CHRNA7: variants seen among roughly 807,000 people sequenced by gnomAD.
CHRNA7 encodes the protein cholinergic receptor nicotinic alpha 7 subunit, also known as neuronal acetylcholine receptor subunit alpha-7.
CHRNA7 carries 17 observed loss-of-function variants against 48.0 expected under a neutral mutation model. The ratio of observed to expected loss-of-function variants is 0.35; its 90% CI spans 0.24 to 0.53. The LOEUF is 0.53. Among genes scored for constraint, CHRNA7 ranks in the 20% least tolerant of loss-of-function variants. The pLI, the probability that CHRNA7 is intolerant of heterozygous loss-of-function variation, is 0.92. For synonymous variants in CHRNA7, 75 were observed against 242.3 expected (o/e 0.31, Z 6.41); for missense variants, 155 against 577.7 (o/e 0.27, Z 7.50).
chr15:32,056,863 G>T (rs1418361087), intron 2 of CHRNA7, among the ~76,000 whole-genome samples: 1 of 152,118 alleles, frequency 6.6e-6, no homozygotes, highest in Non-Finnish European at 1.5e-5. Context: ...GAGGGATTTT[G>T]TTAACAAAGA....
chr15:32,118,050 G>C (rs771532990), intron 4 of CHRNA7, among the ~76,000 whole-genome samples: 1 of 152,198 alleles, frequency 6.6e-6, no homozygotes, highest in East Asian at 1.9e-4. Flanking sequence ...GGTCATGAGG[G>C]CTCTGCCCTC....
At position 32,137,490 on chromosome 15, in the gene CHRNA7, G is replaced by T. The variant is rs371783683; in HGVS notation, c.351-16417G>T. 1.1e-3 allele frequency among the ~76,000 whole-genome samples: 164 copies of T among 152,208 alleles called. 3 individuals are homozygous for T. In the South Asian group the frequency reaches 0.032, roughly 30 times the overall value. ...TGAAGAAAAATTGGTAGAATTTAAA[G>T]TTTACTGGATAAGTCCACAATTACA... On this transcript the variant is annotated intron_variant, in intron 4 of 9. Coordinates refer to ENST00000306901, the MANE Select transcript of CHRNA7 (RefSeq NM_000746.6).
chr15:32,092,767 T>G lies in CHRNA7; in HGVS notation c.196-8536T>G, dbSNP rs146548979. ...TTCTAAATCCTGCTCCTAACTTCCATTCATTCATCTTATCCCCTTCCCTTT... is the reference window on the plus strand; with the variant it reads ...TTCTAAATCCTGCTCCTAACTTCCAGTCATTCATCTTATCCCCTTCCCTTT... On this transcript the variant is annotated intron_variant, in intron 2 of 9. Transcript: ENST00000306901. 6.6e-5 allele frequency among the ~76,000 whole-genome samples: 10 copies of G among 152,316 alleles called. No individual in the cohort carries two copies. The East Asian group carries it at 1.9e-3, about 29-fold the overall frequency.
intron 4 of CHRNA7, among the ~76,000 whole-genome samples, chr15:32,143,382 A>G (rs1291218309): frequency 1.3e-5 from 2 of 152,210 alleles, no homozygotes; most frequent in African/African-American, 4.8e-5. Flanking sequence ...TGGTGCTGAG[A>G]AGAATGCATA....
At chr15:32,117,792 A>C (rs1393986079) in intron 4 of CHRNA7, among the ~76,000 whole-genome samples, 1 of 152,118 alleles carries the variant, frequency 6.6e-6, no homozygotes, top group East Asian at 1.9e-4. Flanking sequence ...TGTCATGGTT[A>C]ATAGCTCCTG....
chr15:32,136,517 T>C (rs571608166), intron 4 of CHRNA7, among the ~76,000 whole-genome samples: 114 of 144,884 alleles, frequency 7.9e-4, no homozygotes, highest in African/African-American at 2.7e-3. Flanking sequence ...AAAAAAAAGA[T>C]GGAATTAAAA....
At position 32,070,669 on chromosome 15, in the gene CHRNA7, C is replaced by CTT. The variant is rs71113441; in HGVS notation, c.196-30600_196-30599dup. ...TGTGTGAACATGTGAGGTTTAGTTC[C>CTT]TTTTTTTTTTTTTTTTTTTTTTTTT... On this transcript the variant is annotated intron_variant, in intron 2 of 9. Coordinates refer to ENST00000306901, the MANE Select transcript of CHRNA7 (RefSeq NM_000746.6). Among the ~76,000 whole-genome samples, 185 of 40,900 alleles carry CTT rather than the reference C, an allele frequency of 4.5e-3. 32 individuals are homozygous for CTT. The highest frequency in any genetic ancestry group is 6.3e-3 in the Non-Finnish European group (139 of 22,092). The allele number at this position is 40,900 out of a possible 152,430, so 26.8% of individuals were successfully genotyped here. A position where few individuals can be genotyped will look rare whatever the true frequency, so the allele number is the denominator to read the frequency against.
intron 2 of CHRNA7, among the ~76,000 whole-genome samples, chr15:32,045,084 C>G (rs1277758246): frequency 9.2e-5 from 14 of 152,202 alleles, no homozygotes; most frequent in African/African-American, 2.9e-4. Context: ...TTAAGAGTTT[C>G]CTTTTGGTTC....
intron 3 of CHRNA7, among the ~76,000 whole-genome samples, chr15:32,103,594 A>T (rs975990834): frequency 1.3e-5 from 2 of 151,998 alleles, no homozygotes; most frequent in Non-Finnish European, 2.9e-5. Context: ...ATCCCTTGCC[A>T]CCTACTCTAG....
rs531824941 is a variant in CHRNA7 at position 32,122,837 on chromosome 15, C to T, written c.350+10938C>T. On this transcript the variant is annotated intron_variant, in intron 4 of 9. Coordinates refer to ENST00000306901, the MANE Select transcript of CHRNA7 (RefSeq NM_000746.6). ...GACATATGTCTTGAATATCTTGCTG[C>T]GATTTTAAAACACTCATGATAAAGG... 5.6e-5 allele frequency among the ~76,000 whole-genome samples: 8 copies of T among 143,316 alleles called. No individual in the cohort carries two copies. The South Asian group carries it at 1.1e-3, about 19-fold the overall frequency. 94.0% of individuals were successfully genotyped at this position (143,316 alleles called of 152,430 possible).
intron 2 of CHRNA7, among the ~76,000 whole-genome samples, chr15:32,041,979 A>G (rs1035408952): frequency 5.3e-5 from 8 of 152,148 alleles, no homozygotes; most frequent in African/African-American, 1.7e-4. Context: ...GATAATTCCA[A>G]TACTGCTGCT....
Position 32,111,774 on chromosome 15 carries a change from T to A in CHRNA7, c.241-16T>A. ...CCAAGGAAGTGAAGTGCTGCTAATG[T>A]CATTGTGTGTGTCAGTCTTGGACAG... On this transcript the variant is annotated splice_polypyrimidine_tract_variant and intron_variant, in intron 3 of 9. Coordinates refer to ENST00000306901, the MANE Select transcript of CHRNA7 (RefSeq NM_000746.6). 1 of 1,499,814 alleles carries A rather than the reference T, an allele frequency of 6.7e-7. No individual in the cohort carries two copies. Among genetic ancestry groups the A allele is most frequent in the Non-Finnish European group, 9.3e-7 (1 of 1,077,596 alleles). The allele number at this position is 1,499,814 out of a possible 1,614,324, so 92.9% of individuals were successfully genotyped here.
chr15:32,065,691 A>G (rs994465391), intron 2 of CHRNA7, among the ~76,000 whole-genome samples: 1 of 152,270 alleles, frequency 6.6e-6, no homozygotes, highest in Non-Finnish European at 1.5e-5. Flanking sequence ...CAGGAAGTGA[A>G]GGCTAAAGCA....
chr15:32,168,750 CGG>C lies in CHRNA7; in HGVS notation c.*293_*294del. ...TTAGCCCACTGCCTGGAAAGCCCTT[CGG>C]AGAGCTCCCCATGGCTCCTCACCAC... On this transcript the variant is annotated 3_prime_UTR_variant, in exon 10 of 10. Transcript: ENST00000306901. The C allele has an allele frequency of 2.2e-5, 2 of 89,976 alleles. No individual in the cohort carries two copies. Among genetic ancestry groups the C allele is most frequent in the Non-Finnish European group, 3.8e-5 (2 of 52,998 alleles). 5.6% of individuals were successfully genotyped at this position (89,976 alleles called of 1,614,324 possible). A position where few individuals can be genotyped will look rare whatever the true frequency, so the allele number is the denominator to read the frequency against.
At chr15:32,042,120 T>A (rs1349990859) in intron 2 of CHRNA7, among the ~76,000 whole-genome samples, 1 of 87,488 alleles carries the variant, frequency 1.1e-5, no homozygotes. Context: ...CTGCTGTAAA[T>A]TAATAAGTTA....
intron 4 of CHRNA7, among the ~76,000 whole-genome samples, chr15:32,142,066 T>C (rs1197148614): frequency 6.6e-6 from 1 of 152,210 alleles, no homozygotes; most frequent in Non-Finnish European, 1.5e-5. Flanking sequence ...TTGCCATAAA[T>C]AGCTCTTATT....
rs1472907448 is a variant in CHRNA7 at position 32,031,047 on chromosome 15, G to C, written c.195+10G>C. 1 of 1,613,828 alleles carries C rather than the reference G, an allele frequency of 6.2e-7. No individual in the cohort carries two copies. The highest frequency in any genetic ancestry group is 2.2e-5 in the East Asian group (1 of 44,874). ...GCAGATCATGGACGTGGTGAGTCCC[G>C]CCTGGCTACAGGGCTGCCCTCTCCC... is the stretch of plus-strand genomic sequence containing the variant. On this transcript the variant is annotated intron_variant, in intron 2 of 9. Transcript: ENST00000306901.
chr15:32,119,919 G>A (rs1006614782), intron 4 of CHRNA7, among the ~76,000 whole-genome samples: 3 of 152,134 alleles, frequency 2.0e-5, no homozygotes, highest in Non-Finnish European at 4.4e-5. Flanking sequence ...ACTGTCGCTG[G>A]CTGACTGTTA....
chr15:32,058,142 A>G (rs766640149), intron 2 of CHRNA7, among the ~76,000 whole-genome samples: 4 of 152,184 alleles, frequency 2.6e-5, no homozygotes, highest in African/African-American at 7.2e-5. Flanking sequence ...AGGATTGACT[A>G]TCATGCTGTT....
Sources: gnomAD v4.1 joint callset for allele counts (sites outside exome capture counted in the v4.1 genomes callset) on GRCh38, gnomAD v4.1.1 for gene constraint, MANE v1.5 for transcripts, NCBI Gene and HGNC (gene_info 2026-07-23, HGNC 2026-07-21) for gene names.